The following SEPTIN10 variants were observed in gnomAD, a reference collection of about 807,000 sequenced individuals.
SEPTIN10 encodes septin-10.
A neutral mutation model predicts 54.8 loss-of-function variants in SEPTIN10; 66 were observed. That is an observed-to-expected ratio of 1.21 (90% confidence interval 0.99 to 1.48). The LOEUF (loss-of-function observed/expected upper bound fraction) is 1.48. SEPTIN10 is among the 40% of genes most tolerant of loss of function. The probability of loss-of-function intolerance (pLI) is 0.00; values close to 1 mark genes in which losing one functional copy is unlikely to be tolerated. For synonymous variants in SEPTIN10, 161 were observed against 181.0 expected (o/e 0.89, Z 0.89); for missense variants, 620 against 545.6 (o/e 1.14, Z -1.36).
intron 1 of SEPTIN10, among the ~76,000 whole-genome samples, chr2:109,600,884 C>T (rs1696460393): frequency 6.6e-6 from 1 of 152,208 alleles, no homozygotes; most frequent in African/African-American, 2.4e-5. Flanking sequence ...CTCCATTTAC[C>T]AGTTTATTAC....
chr2:109,567,802 A>G lies in SEPTIN10; in HGVS notation c.762+13T>C, dbSNP rs553680768. On this transcript the variant is annotated intron_variant, in intron 6 of 10. Coordinates refer to ENST00000397712, the MANE Select transcript of SEPTIN10 (RefSeq NM_144710.5). Reference sequence around the variant, plus strand: ...ACATGGAAAACAGAATTAACATTCAATCAGGAGCTCACATTCATTGCAGCG... The same window carrying G: ...ACATGGAAAACAGAATTAACATTCAGTCAGGAGCTCACATTCATTGCAGCG... The G allele has an allele frequency of 2.6e-6, 4 of 1,561,574 alleles. No individual in the cohort carries two copies. Among genetic ancestry groups the G allele is most frequent in the African/African-American group, 1.4e-5 (1 of 73,158 alleles).
chr2:109,610,498 T>C (rs918366501), intron 1 of SEPTIN10, among the ~76,000 whole-genome samples: 3 of 152,178 alleles, frequency 2.0e-5, no homozygotes, highest in Non-Finnish European at 4.4e-5. Flanking sequence ...GTGGATCACC[T>C]GAGGTTGGGA....
At chr2:109,576,515 T>C (rs553763879) in intron 4 of SEPTIN10, among the ~76,000 whole-genome samples, 20 of 152,290 alleles carry the variant, frequency 1.3e-4, no homozygotes, top group Non-Finnish European at 2.4e-4. Flanking sequence ...AGTTAAGTGA[T>C]CCTTTGGAAA....
At chr2:109,603,174 CAATGCTTATTGT>C (rs1348429854) in intron 1 of SEPTIN10, among the ~76,000 whole-genome samples, 1 of 151,988 alleles carries the variant, frequency 6.6e-6, no homozygotes, top group Non-Finnish European at 1.5e-5. Flanking sequence ...TGAAGTCTAT[CAATGCTTATTGT>C]TTTTCACTTA....
At chr2:109,609,718 C>A (rs1698823655) in intron 1 of SEPTIN10, among the ~76,000 whole-genome samples, 1 of 151,478 alleles carries the variant, frequency 6.6e-6, no homozygotes, top group African/African-American at 2.4e-5. Flanking sequence ...ATTATCCTCA[C>A]TGAAGAAAAA....
chr2:109,564,842 C>A (rs556250173), intron 7 of SEPTIN10, among the ~76,000 whole-genome samples: 1 of 152,312 alleles, frequency 6.6e-6, no homozygotes, highest in South Asian at 2.1e-4. Flanking sequence ...TTATTTCACA[C>A]TAATATTTTG....
At chr2:109,553,809 G>A (rs886345226) in intron 8 of SEPTIN10, among the ~76,000 whole-genome samples, 7 of 148,380 alleles carry the variant, frequency 4.7e-5, no homozygotes, top group Admixed American at 6.7e-5. Flanking sequence ...AGCCAAGATC[G>A]CGCCACTGCA....
rs531592924 is a variant in SEPTIN10, at chr2:109,585,258, T to A, written c.281A>T (p.Tyr94Phe). The stretch of plus-strand genomic sequence containing the variant: ...ATTTGGGCAAAAATGTGAGGATTCA[T>A]AGTCTTCAAAATTAGTATTAAACAA... ...DTLFNTNFED[Y>F]ESSHFCPNVK... Residue 94 changes from tyrosine (Y) to phenylalanine (F), a missense_variant, in exon 4 of 11, where the codon TAT becomes TTT. Tyr to Phe is a conservative substitution (Grantham distance 22). Coordinates refer to ENST00000397712, the MANE Select transcript of SEPTIN10 (RefSeq NM_144710.5). The A allele has an allele frequency of 7.4e-6, 12 of 1,613,232 alleles. No individual in the cohort carries two copies. In the South Asian group the frequency reaches 1.2e-4, roughly 16 times the overall value.
At chr2:109,602,901 C>CAAAAA (rs34841715) in intron 1 of SEPTIN10, among the ~76,000 whole-genome samples, 2 of 110,380 alleles carry the variant, frequency 1.8e-5, no homozygotes, top group African/African-American at 6.9e-5. Context: ...GACCCTGTCT[C>CAAAAA]AAAAAAAAAA....
In SEPTIN10 at chr2:109,585,754, G is replaced by A; in HGVS notation, c.184C>T (p.Gln62Ter). 1 of 1,613,202 alleles carries A rather than the reference G, an allele frequency of 6.2e-7. No individual in the cohort carries two copies. Among genetic ancestry groups the A allele is most frequent in the East Asian group, 2.2e-5 (1 of 44,810 alleles). The change falls in exon 3 of 11, where the codon CAG becomes TAG. Residue 62 changes from glutamine to a stop codon, truncating the protein, a stop_gained. Transcript: ENST00000397712. LOFTEE classifies it high-confidence loss of function. ...AGAATATTAAAGCAGAAACCTTGCT[G>A]AATGGATCTGTTCACCAGCTGATCA... The part of the protein sequence containing the change: ...LPDQLVNRSI[Q>*]QGFCFNILCV...
At chr2:109,573,279 T>C (rs1688818680) in intron 5 of SEPTIN10, among the ~76,000 whole-genome samples, 1 of 152,220 alleles carries the variant, frequency 6.6e-6, no homozygotes, top group African/African-American at 2.4e-5. Context: ...AGCCAATATT[T>C]AGAGCCGTCC....
At chr2:109,584,429 C>T (rs1426634997) in intron 4 of SEPTIN10, among the ~76,000 whole-genome samples, 1 of 126,534 alleles carries the variant, frequency 7.9e-6, no homozygotes, top group East Asian at 2.4e-4. Flanking sequence ...GAGTCGAAAT[C>T]ATGCCACTGC....
intron 1 of SEPTIN10, among the ~76,000 whole-genome samples, chr2:109,598,772 AT>A (rs1380034627): frequency 2.6e-5 from 4 of 151,958 alleles, no homozygotes; most frequent in Admixed American, 6.6e-5. Flanking sequence ...CATTTGTTCC[AT>A]TTACCAGGAG....
chr2:109,604,599 T>G (rs911128429), intron 1 of SEPTIN10, among the ~76,000 whole-genome samples: 5 of 151,294 alleles, frequency 3.3e-5, no homozygotes, highest in African/African-American at 9.7e-5. Flanking sequence ...TGGTGGCGGG[T>G]GCCTGTAGTC....
At chr2:109,590,648 C>T (rs1028070435) in intron 2 of SEPTIN10, among the ~76,000 whole-genome samples, 4 of 152,066 alleles carry the variant, frequency 2.6e-5, no homozygotes, top group Admixed American at 1.3e-4. Context: ...AGGCTGGTCT[C>T]GAACTCTTGA....
chr2:109,607,464 A>G (rs1204716939), intron 1 of SEPTIN10, among the ~76,000 whole-genome samples: 1 of 152,198 alleles, frequency 6.6e-6, no homozygotes, highest in Middle Eastern at 3.2e-3. Context: ...AAGAGAGCAG[A>G]AATCGGTTCT....
chr2:109,584,989 A>AC (rs1692134423), intron 4 of SEPTIN10, 137 bp downstream of exon 4: 1 of 431,512 alleles, frequency 2.3e-6, no homozygotes, highest in East Asian at 3.6e-5. Context: ...TTGTTTAATT[A>AC]TTTTATTTTT....
At chr2:109,588,293 T>C (rs982447018) in intron 2 of SEPTIN10, among the ~76,000 whole-genome samples, 1 of 152,050 alleles carries the variant, frequency 6.6e-6, no homozygotes, top group Non-Finnish European at 1.5e-5. Flanking sequence ...CAAAAAGGAA[T>C]GAAGATCATC....
At chr2:109,603,020 G>A (rs1292587746) in intron 1 of SEPTIN10, among the ~76,000 whole-genome samples, 2 of 151,502 alleles carry the variant, frequency 1.3e-5, no homozygotes, top group African/African-American at 4.9e-5. Flanking sequence ...GCAGTAAGCT[G>A]TGACTGCACC....
Sources: allele counts gnomAD v4.1 joint callset (sites outside exome capture counted in the v4.1 genomes callset), GRCh38; gene constraint gnomAD v4.1.1; transcripts MANE v1.5; gene names NCBI Gene and HGNC (gene_info 2026-07-23, HGNC 2026-07-21).